Variants in RPA1 observed in about 807,000 individuals in gnomAD.
The protein encoded by RPA1 is replication protein A1, also known as replication protein A 70 kDa DNA-binding subunit.
In RPA1, 49 loss-of-function variants were observed where a neutral mutation model predicts 83.0. That is an observed-to-expected ratio of 0.59 (90% CI 0.47 to 0.75). The LOEUF is 0.75. RPA1 is among the 30% of genes least tolerant of loss of function. The pLI is 0.00. For missense variants in RPA1, 693 were observed against 776.1 expected (o/e 0.89, Z 1.27); for synonymous variants, 279 against 281.8 (o/e 0.99, Z 0.10).
chr17:1,895,659 G>GTATGTATGTATTTATTTATT (rs1555596985), intron 16 of RPA1, among the ~76,000 whole-genome samples: 4 of 141,752 alleles, frequency 2.8e-5, no homozygotes, highest in African/African-American at 1.1e-4. Flanking sequence ...ATACCATATA[G>GTATGTATGTATTTATTTATT]TATTTATTTA....
chr17:1,897,151 C>T lies in RPA1; in HGVS notation c.1827C>T (p.Ser609=), dbSNP rs752973661. Residue 609 remains serine, a synonymous_variant, in exon 17 of 17, where the codon AGC becomes AGT. Transcript: ENST00000254719. ...YREYGRRLVM[S]IRRSALM ...AGTATGGCCGAAGGCTGGTCATGAGCATCAGGAGAAGTGCATTGATGTGAG... is the reference window on the plus strand; with the variant it reads ...AGTATGGCCGAAGGCTGGTCATGAGTATCAGGAGAAGTGCATTGATGTGAG... 2.6e-6 allele frequency: 4 copies of T among 1,559,944 alleles called. No individual in the cohort carries two copies. Among genetic ancestry groups the T allele is most frequent in the Non-Finnish European group, 3.5e-6 (4 of 1,151,720 alleles).
At position 1,898,909 on chromosome 17, in the gene RPA1, G is replaced by A. The variant is rs1914549699; in HGVS notation, c.*1734G>A. The A allele has an allele frequency of 6.5e-6, 1 of 152,674 alleles. No individual in the cohort carries two copies. Among genetic ancestry groups the A allele is most frequent in the African/African-American group, 2.4e-5 (1 of 41,450 alleles). 9.5% of individuals were successfully genotyped at this position (152,674 alleles called of 1,614,324 possible). On this transcript the variant is annotated 3_prime_UTR_variant, in exon 17 of 17. Transcript: ENST00000254719. ...CTTCTGGATTGACAAATTGTGGCTG[G>A]GAAGTGGCGATCTAGCTTTCAGCCC...
At chr17:1,843,783 T>A (rs953919356) in intron 2 of RPA1, 137 bp from the exon 3 acceptor site, 2 of 618,626 alleles carry the variant, frequency 3.2e-6, no homozygotes, top group Non-Finnish European at 5.8e-6. Context: ...TTTCTTTTAC[T>A]TGGATTTAAG....
At chr17:1,856,982 TCTA>T (rs994631502) in intron 5 of RPA1, among the ~76,000 whole-genome samples, 20 of 152,162 alleles carry the variant, frequency 1.3e-4, no homozygotes, top group African/African-American at 4.8e-4. Context: ...TTTATTTTCT[TCTA>T]CTTACTTCGG....
intron 1 of RPA1, among the ~76,000 whole-genome samples, chr17:1,830,858 C>T (rs1272811667): frequency 6.6e-6 from 1 of 151,846 alleles, no homozygotes; most frequent in African/African-American, 2.4e-5. Context: ...CTCCGTCTCC[C>T]GGGTGCAAGT....
rs61649796 is a variant in RPA1, at chr17:1,835,098, G to A, written c.33+4972G>A. ...AACCCCTGGCCTCAAGTGATCTGCC[G>A]CCTCGGCTTCCCCAAGTCCTGGGAT... On this transcript the variant is annotated intron_variant, in intron 1 of 16. Transcript: ENST00000254719. 6.1e-3 allele frequency among the ~76,000 whole-genome samples: 920 copies of A among 152,060 alleles called. 11 individuals are homozygous for A. The highest frequency in any genetic ancestry group is 0.021 in the African/African-American group (874 of 41,466).
intron 10 of RPA1, 57 bp from the exon 11 acceptor site, chr17:1,879,503 G>A: frequency 6.2e-7 from 1 of 1,612,794 alleles, no homozygotes; most frequent in Non-Finnish European, 8.5e-7. Flanking sequence ...TTCATCATTT[G>A]CTGGCGTCGG....
chr17:1,858,559 G>A (rs1318947296), intron 5 of RPA1: 1 of 660,424 alleles, frequency 1.5e-6, no homozygotes, highest in Non-Finnish European at 2.7e-6. Flanking sequence ...CGCCTCCCGG[G>A]TTCAAGCGAT....
At chr17:1,893,840 C>T (rs569905845) in intron 15 of RPA1, among the ~76,000 whole-genome samples, 1 of 152,048 alleles carries the variant, frequency 6.6e-6, no homozygotes, top group African/African-American at 2.4e-5. Context: ...TTATATTGAA[C>T]TTTCTTCTGA....
At chr17:1,887,721 C>G (rs1044486222) in intron 13 of RPA1, among the ~76,000 whole-genome samples, 19 of 151,560 alleles carry the variant, frequency 1.3e-4, no homozygotes, top group African/African-American at 4.6e-4. Flanking sequence ...AACCCCATCT[C>G]TACTAAAAAA....
Position 1,879,253 on chromosome 17 carries a change from C to T in RPA1, c.798C>T (p.Asn266=), listed in dbSNP as rs966656692. The part of the protein sequence containing the change: ...YFSKGTLKIA[N]KQFTAVKNDY... ...CGAAAGGCACCCTGAAGATTGCTAA[C>T]AAGCAGTTCACAGCTGTTAAAAATG... Residue 266 remains asparagine, a synonymous_variant, in exon 10 of 17, where the codon AAC becomes AAT. Transcript: ENST00000254719. The T allele has an allele frequency of 1.2e-6, 2 of 1,614,148 alleles. No homozygotes were observed. Among genetic ancestry groups the T allele is most frequent in the Non-Finnish European group, 8.5e-7 (1 of 1,180,032 alleles).
At chr17:1,854,158 T>C (rs2151275452) in intron 5 of RPA1, 2 of 152,318 alleles carry the variant, frequency 1.3e-5, no homozygotes, top group East Asian at 3.9e-4. Context: ...AAAAAGTCAT[T>C]ACTTCAGACA....
chr17:1,881,097 G>A (rs1300515823), intron 12 of RPA1, among the ~76,000 whole-genome samples: 2 of 152,136 alleles, frequency 1.3e-5, no homozygotes, highest in East Asian at 3.9e-4. Flanking sequence ...CTTCTAGTGT[G>A]TATTCACTAG....
chr17:1,834,665 A>G (rs943304578), intron 1 of RPA1, among the ~76,000 whole-genome samples: 3 of 152,186 alleles, frequency 2.0e-5, no homozygotes, highest in Non-Finnish European at 4.4e-5. Context: ...ATATAACGAA[A>G]GGGGAAGGGA....
At chr17:1,846,298 G>A (rs1912252138) in intron 4 of RPA1, among the ~76,000 whole-genome samples, 1 of 137,936 alleles carries the variant, frequency 7.2e-6, no homozygotes, top group Admixed American at 7.4e-5. Context: ...TTCTTCCCTT[G>A]TAGGAAGCTT....
intron 7 of RPA1, among the ~76,000 whole-genome samples, chr17:1,876,025 G>C (rs888719499): frequency 6.6e-6 from 1 of 151,244 alleles, no homozygotes; most frequent in East Asian, 1.9e-4. Flanking sequence ...GCCATAGCCT[G>C]TGGGGTTTCA....
At chr17:1,873,726 C>T (rs760789362) in intron 6 of RPA1, among the ~76,000 whole-genome samples, 9 of 151,942 alleles carry the variant, frequency 5.9e-5, no homozygotes, top group Non-Finnish European at 1.0e-4. Context: ...TGGTGGCTCA[C>T]GCTTATAATC....
At chr17:1,830,196 G>A in intron 1 of RPA1, 70 bp downstream of exon 1, 1 of 1,176,192 alleles carries the variant, frequency 8.5e-7, no homozygotes, top group Non-Finnish European at 1.1e-6. Flanking sequence ...GGAGTAGAGA[G>A]GGGGAGGGGA....
chr17:1,842,793 A>T lies in RPA1; in HGVS notation c.34-10A>T. ...GCGTATCTCACACAAACCTGTTTTT[A>T]CTCCCTCAGGCCATCATGCAGAAGG... On this transcript the variant is annotated splice_polypyrimidine_tract_variant and intron_variant, in intron 1 of 16. Transcript: ENST00000254719. 6 of 1,581,378 alleles carry T rather than the reference A, an allele frequency of 3.8e-6. No homozygotes were observed. The highest frequency in any genetic ancestry group is 5.2e-6 in the Non-Finnish European group (6 of 1,150,390).
Sources: gnomAD v4.1 joint callset for allele counts (sites outside exome capture counted in the v4.1 genomes callset) on GRCh38, gnomAD v4.1.1 for gene constraint, MANE v1.5 for transcripts, NCBI Gene and HGNC (gene_info 2026-07-23, HGNC 2026-07-21) for gene names.